Variants in C6orf62 observed in about 807,000 individuals in gnomAD.
C6orf62 encodes the protein uncharacterized protein C6orf62.
Under a neutral mutation model 26.8 loss-of-function variants are expected in C6orf62, and 16 were observed. The observed-to-expected ratio is 0.60, with a 90% CI of 0.40 to 0.91. The LOEUF is 0.91. Ranked by LOEUF, C6orf62 falls within the 40% of genes least tolerant of loss-of-function variation. The probability of loss-of-function intolerance (pLI) is 0.00; values close to 1 mark genes in which losing one functional copy is unlikely to be tolerated. For synonymous variants in C6orf62, 112 were observed against 91.5 expected, an observed-to-expected ratio of 1.22 and a Z score of -1.28; for missense variants, 192 against 271.4, an observed-to-expected ratio of 0.71 and a Z score of 2.06.
At chr6:24,719,425 T>A, upstream of C6orf62, 1 of 1,070,336 alleles carries the variant, frequency 9.3e-7, no homozygotes, top group Non-Finnish European at 1.1e-6. Context: ...TCAACTACAG[T>A]GTATACCGGG....
rs1446523478 is a variant in C6orf62 at position 24,711,332 on chromosome 6, CAG to C, written c.430-2423_430-2422del. Among the ~76,000 whole-genome samples, 4 of 152,108 alleles carry C rather than the reference CAG, an allele frequency of 2.6e-5. No individual in the cohort carries two copies. In the East Asian group the frequency reaches 7.7e-4, roughly 29 times the overall value. On this transcript the variant is annotated intron_variant, in intron 3 of 4. Transcript: ENST00000378119. ...AGAAGTAACGAAATATTCTAACAGTCAGGGGAGGAGCTAACCTTGGCAGTAGC... is the reference window on the plus strand; with the variant it reads ...AGAAGTAACGAAATATTCTAACAGTCGGGAGGAGCTAACCTTGGCAGTAGC...
chr6:24,715,250 C>G (rs1035568941), intron 2 of C6orf62, among the ~76,000 whole-genome samples: 21 of 152,306 alleles, frequency 1.4e-4, no homozygotes, highest in Admixed American at 1.3e-4. Flanking sequence ...AGACCAGTAT[C>G]TGGTTATCTC....
In C6orf62 at chr6:24,717,131, T is replaced by G. The variant is rs553911227; in HGVS notation, c.130-807A>C. Among the ~76,000 whole-genome samples, 9 of 152,372 alleles carry G rather than the reference T, an allele frequency of 5.9e-5. No homozygotes were observed. In the South Asian group the frequency reaches 1.9e-3, roughly 32 times the overall value. ...ACTACTTTTTAAAATTCTGTACTAT[T>G]AAGTATATATCATGAATTATTCAGG... On this transcript the variant is annotated intron_variant, in intron 1 of 4. Coordinates refer to ENST00000378119, the MANE Select transcript of C6orf62 (RefSeq NM_030939.5).
intron 3 of C6orf62, among the ~76,000 whole-genome samples, chr6:24,713,557 A>G (rs1173719713): frequency 6.6e-6 from 1 of 152,194 alleles, no homozygotes; most frequent in African/African-American, 2.4e-5. Flanking sequence ...TGTACTTAAA[A>G]TGAGTCCTTA....
intron 4 of C6orf62, 132 bp downstream of exon 4, chr6:24,708,645 T>G (rs909666552): frequency 3.2e-6 from 4 of 1,248,796 alleles, no homozygotes; most frequent in Admixed American, 4.1e-5. Flanking sequence ...GCCTATTTTT[T>G]GCTTTTTAAA....
intron 2 of C6orf62, among the ~76,000 whole-genome samples, chr6:24,715,369 T>C (rs980065209): frequency 1.3e-5 from 2 of 152,138 alleles, no homozygotes; most frequent in African/African-American, 2.4e-5. Flanking sequence ...CTTATATTCA[T>C]ATTCCCCCCA....
At chr6:24,711,993 A>G (rs1342541589) in intron 3 of C6orf62, among the ~76,000 whole-genome samples, 1 of 152,170 alleles carries the variant, frequency 6.6e-6, no homozygotes, top group Admixed American at 6.5e-5. Context: ...CTTTTATCCT[A>G]TTTAACTGCC....
chr6:24,720,245 T>C, upstream of C6orf62: 7 of 1,293,938 alleles, frequency 5.4e-6, no homozygotes, highest in Admixed American at 3.8e-5. Context: ...TTGGGCCCTC[T>C]AGCCGCAGCC....
Position 24,706,183 on chromosome 6 carries a change from GC to G in C6orf62, c.643del (p.Ala215GlnfsTer5). 1 of 1,614,198 alleles carries G rather than the reference GC, an allele frequency of 6.2e-7. No individual in the cohort carries two copies. The highest frequency in any genetic ancestry group is 8.5e-7 in the Non-Finnish European group (1 of 1,180,038). The part of the protein sequence containing the change: ...YLPQEQLTHW[A>X]VGTIEDHLRP... ...GAGGTGATCCTCTATGGTGCCAACT[GC>G]CCAGTGGGTGAGCTGTTCCTGTGGC... On this transcript the variant is annotated frameshift_variant, in exon 5 of 5. Transcript: ENST00000378119.
chr6:24,719,420 T>C, upstream of C6orf62: 1 of 1,052,976 alleles, frequency 9.5e-7, no homozygotes, highest in Non-Finnish European at 1.2e-6. Context: ...TGCAATCAAC[T>C]ACAGTGTATA....
At chr6:24,710,000 C>T (rs1225899999) in intron 3 of C6orf62, 1 of 984,392 alleles carries the variant, frequency 1.0e-6, no homozygotes, top group Non-Finnish European at 1.2e-6. Flanking sequence ...TCTTATAAAC[C>T]GTAACATAAA....
intron 4 of C6orf62, 122 bp from the exon 5 acceptor site, chr6:24,706,384 T>C (rs190993026): frequency 1.7e-5 from 24 of 1,386,104 alleles, no homozygotes; most frequent in East Asian, 5.0e-5. Flanking sequence ...CAAATTGTAG[T>C]CCCTATCCAT....
Position 24,706,113 on chromosome 6 carries a change from T to G in C6orf62, c.*24A>C, listed in dbSNP as rs766067442. ...AAAACTGCTGCTGCATTCTCTGATC[T>G]TCTCCATTTTGCTGGTCAGTACTCT... On this transcript the variant is annotated 3_prime_UTR_variant, in exon 5 of 5. Coordinates refer to ENST00000378119, the MANE Select transcript of C6orf62 (RefSeq NM_030939.5). 3 of 1,607,648 alleles carry G rather than the reference T, an allele frequency of 1.9e-6. No homozygotes were observed. Among genetic ancestry groups the G allele is most frequent in the South Asian group, 1.1e-5 (1 of 89,402 alleles).
intron 3 of C6orf62, among the ~76,000 whole-genome samples, chr6:24,713,670 A>G (rs1375130766): frequency 6.6e-6 from 1 of 152,220 alleles, no homozygotes; most frequent in South Asian, 2.1e-4. Flanking sequence ...TTAAAAAAGG[A>G]AAGTTAGCTA....
upstream of C6orf62, chr6:24,719,215 G>A (rs933578686): frequency 9.1e-6 from 9 of 986,946 alleles, no homozygotes; most frequent in Non-Finnish European, 1.1e-5. Context: ...CCAAAACAGG[G>A]TAGGTGAATG....
At position 24,718,678 on chromosome 6, in the gene C6orf62, C is replaced by G. The variant is rs1310042380; in HGVS notation, c.-10G>C. The G allele has an allele frequency of 8.1e-6, 13 of 1,613,690 alleles. No homozygotes were observed. Among genetic ancestry groups the G allele is most frequent in the Non-Finnish European group, 1.1e-5 (13 of 1,179,924 alleles). ...AGTTTGGGTCCCCCATTTTGAAATA[C>G]AGGTGGTACTAAAGCCTTTGGAAAT... is the stretch of plus-strand genomic sequence containing the variant. On this transcript the variant is annotated 5_prime_UTR_variant, in exon 1 of 5. Coordinates refer to ENST00000378119, the MANE Select transcript of C6orf62 (RefSeq NM_030939.5).
At chr6:24,714,282 A>G in intron 3 of C6orf62, 36 bp downstream of exon 3, 2 of 1,548,292 alleles carry the variant, frequency 1.3e-6, no homozygotes, top group East Asian at 2.3e-5. Context: ...TAGTTTTCAC[A>G]TATTGAAATA....
upstream of C6orf62, chr6:24,720,046 C>G (rs1270572012): frequency 2.2e-6 from 2 of 924,418 alleles, no homozygotes; most frequent in African/African-American, 2.0e-5. Context: ...AATTAAGTTC[C>G]CGGATTAGCT....
rs1370971208 is a variant in C6orf62, at chr6:24,704,880, A to C, written c.*1257T>G. ...TCAAACTTTGTGTATTCACCTGAAT[A>C]GTCAGGGAACTTTCACCTATTTTAT... On this transcript the variant is annotated 3_prime_UTR_variant, in exon 5 of 5. Transcript: ENST00000378119. 6.6e-6 allele frequency: 1 copy of C among 152,306 alleles called. No homozygotes were observed. The highest frequency in any genetic ancestry group is 1.9e-4 in the East Asian group (1 of 5,200). The allele number at this position is 152,306 out of a possible 1,614,324, so 9.4% of individuals were successfully genotyped here.
Sources: gnomAD v4.1 joint callset for allele counts (sites outside exome capture counted in the v4.1 genomes callset) on GRCh38, gnomAD v4.1.1 for gene constraint, MANE v1.5 for transcripts, NCBI Gene and HGNC (gene_info 2026-07-23, HGNC 2026-07-21) for gene names.